Variants in MEN1 observed in about 807,000 individuals in gnomAD.
The protein encoded by MEN1 is menin.
MEN1 carries 6 observed loss-of-function variants against 58.0 expected under a neutral mutation model. That is an observed-to-expected ratio of 0.10 (90% CI 0.06 to 0.20). MEN1 has a LOEUF of 0.20. MEN1 is among the 10% of genes least tolerant of loss of function. MEN1 has a pLI of 1.00. For missense variants in MEN1, 492 were observed against 818.5 expected, an observed-to-expected ratio of 0.60 and a Z score of 4.87; for synonymous variants, 346 against 350.7, an observed-to-expected ratio of 0.99 and a Z score of 0.15.
In MEN1 at chr11:64,805,759, C is replaced by T. The variant is rs904261642; in HGVS notation, c.1061G>A (p.Cys354Tyr). 1 of 1,612,662 alleles carries T rather than the reference C, an allele frequency of 6.2e-7. No individual in the cohort carries two copies. Among genetic ancestry groups the T allele is most frequent in the Non-Finnish European group, 8.5e-7 (1 of 1,179,498 alleles). The change falls in exon 8 of 10, where the codon TGC becomes TAC. Residue 354 changes from cysteine (C) to tyrosine (Y), a missense_variant. Around this residue, in one of 5 missense-constraint regions of MEN1, gnomAD observed 335 missense variants for 550.3 expected, o/e 0.61. Transcript: ENST00000450708. ...TATVIQDYNY[C>Y]REDEEIYKEF... ...CTTGTAGATCTCCTCGTCTTCCCGGCAGTAGTTGTAGCTGTGAGAGCAGTG... is the reference window on the plus strand; with the variant it reads ...CTTGTAGATCTCCTCGTCTTCCCGGTAGTAGTTGTAGCTGTGAGAGCAGTG...
rs1477590433 is a variant in MEN1 at position 64,810,538 on chromosome 11, G to A, written c.-48C>T. 4 of 171,592 alleles carry A rather than the reference G, an allele frequency of 2.3e-5. No individual in the cohort carries two copies. The highest frequency in any genetic ancestry group is 1.1e-4 in the Admixed American group (2 of 17,462). 10.6% of individuals were successfully genotyped at this position (171,592 alleles called of 1,614,324 possible). The stretch of plus-strand genomic sequence containing the variant: ...CCTCCGCGCTTACATCCCACACTAG[G>A]CACCGCGGCGCACGCCGCCCGGAGC... On this transcript the variant is annotated 5_prime_UTR_variant, in exon 1 of 10. Coordinates refer to ENST00000450708, the MANE Select transcript of MEN1 (RefSeq NM_001370259.2).
At chr11:64,809,327 A>G (rs1049862731) in intron 2 of MEN1, among the ~76,000 whole-genome samples, 1 of 151,130 alleles carries the variant, frequency 6.6e-6, no homozygotes, top group Admixed American at 6.6e-5. Flanking sequence ...AATGCAGCCC[A>G]ATTTCATCTT....
chr11:64,810,115 C>CGGGCGGT lies in MEN1; in HGVS notation c.-13_-7dup, dbSNP rs1217276136. On this transcript the variant is annotated 5_prime_UTR_variant, in exon 2 of 10. Coordinates refer to ENST00000450708, the MANE Select transcript of MEN1 (RefSeq NM_001370259.2). Reference sequence around the variant, plus strand: ...TGGGCGGCCTTCAGCCCCATGGCGGCGGGCGGTGGGCGGCGGCCTGCAAGG... The same window carrying CGGGCGGT: ...TGGGCGGCCTTCAGCCCCATGGCGGCGGGCGGTGGGCGGTGGGCGGCGGCCTGCAAGG... The CGGGCGGT allele has an allele frequency of 2.3e-6, 2 of 883,092 alleles. No individual in the cohort carries two copies. The highest frequency in any genetic ancestry group is 4.1e-5 in the African/African-American group (2 of 48,626). The allele number at this position is 883,092 out of a possible 1,614,324, so 54.7% of individuals were successfully genotyped here.
rs1303070443 is a variant in MEN1 at position 64,804,399 on chromosome 11, GCTT to G, written c.1765_1767del (p.Lys589del). On this transcript the variant is annotated inframe_deletion, in exon 10 of 10. Coordinates refer to ENST00000450708, the MANE Select transcript of MEN1 (RefSeq NM_001370259.2). The surrounding 1 kb of genome is among the most constrained non-coding windows in gnomAD (Gnocchi z 4.2). ...TAGTCACTAGGGGTGGACACTTTCT[GCTT>G]CTTCATCTGCACTTGCGACTGTGCC... 1 of 1,614,180 alleles carries G rather than the reference GCTT, an allele frequency of 6.2e-7. No homozygotes were observed.
At chr11:64,809,589 TA>T (rs2136176704) in intron 2 of MEN1, 75 bp downstream of exon 2, 1 of 1,563,752 alleles carries the variant, frequency 6.4e-7, no homozygotes, top group Non-Finnish European at 8.8e-7. Flanking sequence ...TTACAGTTCT[TA>T]AAAGGGTTCT....
Position 64,807,274 on chromosome 11 carries a change from T to G in MEN1, c.784-55A>C. The G allele has an allele frequency of 6.3e-7, 1 of 1,585,904 alleles. No homozygotes were observed. The highest frequency in any genetic ancestry group is 8.6e-7 in the Non-Finnish European group (1 of 1,166,752). On this transcript the variant is annotated intron_variant, in intron 4 of 9. Coordinates refer to ENST00000450708, the MANE Select transcript of MEN1 (RefSeq NM_001370259.2). The surrounding 1 kb of genome is among the most constrained non-coding windows in gnomAD (Gnocchi z 4.9). ...ACGGAACAGGGAGGAGAACGGGTCC[T>G]TAGCCTATCGGGCAGAGGTGGGGGT...
intron 2 of MEN1, among the ~76,000 whole-genome samples, chr11:64,808,936 C>A (rs1177279351): frequency 7.2e-6 from 1 of 139,686 alleles, no homozygotes; most frequent in African/African-American, 2.6e-5. Context: ...GCCTGGGCGA[C>A]AGAGTGAGAC....
rs1941791593 is a variant in MEN1 at position 64,807,183 on chromosome 11, C to T, written c.820G>A (p.Glu274Lys). 3 of 1,614,004 alleles carry T rather than the reference C, an allele frequency of 1.9e-6. No homozygotes were observed. Among genetic ancestry groups the T allele is most frequent in the Non-Finnish European group, 2.5e-6 (3 of 1,179,974 alleles). Residue 274 changes from glutamate (E) to lysine (K), a missense_variant, in exon 5 of 10, where the codon GAA (glutamate) becomes AAA (lysine). Coordinates refer to ENST00000450708, the MANE Select transcript of MEN1 (RefSeq NM_001370259.2). This position sits in a 1 kb window ranked among gnomAD's most constrained non-coding sequence, Gnocchi z 4.9. Reference protein sequence around the residue: ...LWLLYDLGHLERYPMALGNLA... With the variant: ...LWLLYDLGHLKRYPMALGNLA... ...TGGCCACTTCCCTCTACTGACCTTT[C>T]CAGATGTCCCAGGTCATAGAGCAGC...
At chr11:64,809,529 A>C (rs1442411426) in intron 2 of MEN1, 136 bp downstream of exon 2, 2 of 1,111,090 alleles carry the variant, frequency 1.8e-6, no homozygotes, top group Non-Finnish European at 2.6e-6. Context: ...TCTGGGCTTC[A>C]GTTTCCCAAC....
chr11:64,807,309 C>A lies in MEN1; in HGVS notation c.784-90G>T, dbSNP rs900318968. On this transcript the variant is annotated intron_variant, in intron 4 of 9. Coordinates refer to ENST00000450708, the MANE Select transcript of MEN1 (RefSeq NM_001370259.2). This position sits in a 1 kb window ranked among gnomAD's most constrained non-coding sequence, Gnocchi z 4.9. Reference sequence around the variant, plus strand: ...GGGCAGAGGTGGGGGTCAGAACCAACAGGGACCACCCACCATGTGGAAGGG... The same window carrying A: ...GGGCAGAGGTGGGGGTCAGAACCAAAAGGGACCACCCACCATGTGGAAGGG... The A allele has an allele frequency of 6.9e-7, 1 of 1,449,256 alleles. No homozygotes were observed. The highest frequency in any genetic ancestry group is 9.5e-7 in the Non-Finnish European group (1 of 1,057,008). The allele number at this position is 1,449,256 out of a possible 1,614,324, so 89.8% of individuals were successfully genotyped here. A position where few individuals can be genotyped will look rare whatever the true frequency, so the allele number is the denominator to read the frequency against.
At position 64,810,016 on chromosome 11, in the gene MEN1, G is replaced by A. The variant is rs773089218; in HGVS notation, c.94C>T (p.Pro32Ser). The change falls in exon 2 of 10, where the codon CCG becomes TCG. Residue 32 changes from proline (P) to serine (S), a missense_variant. By Grantham distance (74) the Pro-to-Ser change is moderately conservative. Around this residue, in one of 5 missense-constraint regions of MEN1, gnomAD observed 335 missense variants for 550.3 expected, o/e 0.61. Coordinates refer to ENST00000450708, the MANE Select transcript of MEN1 (RefSeq NM_001370259.2). Reference protein sequence around the residue: ...LFAAELGREEPDLVLLSLVLG... With the variant: ...LFAAELGREESDLVLLSLVLG... ...ACCAAGGAAAGGAGCACCAGGTCCG[G>A]CTCCTCTCGGCCCAGCTCGGCAGCA... The A allele has an allele frequency of 7.3e-5, 118 of 1,606,898 alleles. No individual in the cohort carries two copies. The highest frequency in any genetic ancestry group is 9.3e-5 in the Non-Finnish European group (109 of 1,176,782).
At chr11:64,806,177 A>T in intron 7 of MEN1, 55 bp downstream of exon 7, 1 of 1,610,398 alleles carries the variant, frequency 6.2e-7, no homozygotes, top group Non-Finnish European at 8.5e-7. Flanking sequence ...GGTGGTTGGA[A>T]ACTGATGGAG....
In MEN1 at chr11:64,803,620, G is replaced by A. The variant is rs1254391907; in HGVS notation, c.*714C>T. The A allele has an allele frequency of 4.3e-6, 1 of 234,762 alleles. No individual in the cohort carries two copies. Among genetic ancestry groups the A allele is most frequent in the Non-Finnish European group, 8.4e-6 (1 of 118,842 alleles). 14.5% of individuals were successfully genotyped at this position (234,762 alleles called of 1,614,324 possible). On this transcript the variant is annotated 3_prime_UTR_variant, in exon 10 of 10. Coordinates refer to ENST00000450708, the MANE Select transcript of MEN1 (RefSeq NM_001370259.2). ...TGTCACCCACTCCTAACCCTCTGCA[G>A]ATTTCCTCCGGGATGCTCCGAGATG...
chr11:64,809,594 G>T, intron 2 of MEN1, 71 bp downstream of exon 2: 1 of 1,569,460 alleles, frequency 6.4e-7, no homozygotes, highest in Non-Finnish European at 8.7e-7. Flanking sequence ...GTTCTTAAAA[G>T]GGTTCTGTAA....
chr11:64,806,018 G>C, intron 7 of MEN1: 1 of 638,064 alleles, frequency 1.6e-6, no homozygotes, highest in Non-Finnish European at 2.6e-6. Context: ...ACTGTTCTGA[G>C]AAAAAAAAAA....
chr11:64,808,741 C>T (rs966769026), intron 2 of MEN1, among the ~76,000 whole-genome samples: 4 of 150,892 alleles, frequency 2.7e-5, no homozygotes, highest in African/African-American at 9.8e-5. Flanking sequence ...GTCAGGAGAT[C>T]GAGACCATCC....
chr11:64,808,969 AT>A (rs1421607433), intron 2 of MEN1, among the ~76,000 whole-genome samples: 31 of 89,832 alleles, frequency 3.5e-4, no homozygotes, highest in Admixed American at 2.0e-3. Flanking sequence ...AAAAAAAAAA[AT>A]TTTCATAGGC....
At chr11:64,808,590 G>A (rs1326934582) in intron 2 of MEN1, among the ~76,000 whole-genome samples, 2 of 152,314 alleles carry the variant, frequency 1.3e-5, no homozygotes, top group East Asian at 3.9e-4. Context: ...AACCGGGCTT[G>A]GTGCAAAGCT....
At position 64,808,056 on chromosome 11, in the gene MEN1, C is replaced by T. The variant is rs2136157212; in HGVS notation, c.489G>A (p.Gly163=). Residue 163 remains glycine, a synonymous_variant, in exon 3 of 10, where the codon GGG becomes GGA. Coordinates refer to ENST00000450708, the MANE Select transcript of MEN1 (RefSeq NM_001370259.2). ...CCCGGAGACCCAGGGCCTGGCAGGC[C>T]CCAACCACAGCAAAGGCCACACCGG... is the stretch of plus-strand genomic sequence containing the variant. ...DSSGVAFAVV[G]ACQALGLRDV... 6.2e-7 allele frequency: 1 copy of T among 1,613,908 alleles called. No individual in the cohort carries two copies. The highest frequency in any genetic ancestry group is 8.5e-7 in the Non-Finnish European group (1 of 1,179,960).
Sources: allele counts gnomAD v4.1 joint callset (sites outside exome capture counted in the v4.1 genomes callset), GRCh38; gene constraint gnomAD v4.1.1; regional missense constraint gnomAD v4.1.1; non-coding constraint Gnocchi (gnomAD v3.1); transcripts MANE v1.5; gene names NCBI Gene and HGNC (gene_info 2026-07-23, HGNC 2026-07-21).